The following COL26A1 variants were observed in gnomAD, a reference collection of about 807,000 sequenced individuals.
COL26A1 encodes collagen alpha-1(XXVI) chain.
A neutral mutation model predicts 59.3 loss-of-function variants in COL26A1; 41 were observed. The observed-to-expected ratio is 0.69, with a 90% confidence interval of 0.54 to 0.90. COL26A1 has a LOEUF of 0.90. Among genes scored for constraint, COL26A1 ranks in the 40% least tolerant of loss-of-function variants. The pLI is 0.00. For synonymous variants in COL26A1, 266 were observed against 256.0 expected (o/e 1.04, Z -0.37); for missense variants, 612 against 602.3 (o/e 1.02, Z -0.17).
At chr7:101,475,766 CTCTTTCTTTCTT>C (rs754290439) in intron 3 of COL26A1, among the ~76,000 whole-genome samples, 4 of 120,056 alleles carry the variant, frequency 3.3e-5, no homozygotes, top group African/African-American at 1.3e-4. Flanking sequence ...TTCTTTCTTT[CTCTTTCTTTCTT>C]TCTTTCTTTC....
chr7:101,378,349 T>C (rs1317305158), intron 1 of COL26A1, among the ~76,000 whole-genome samples: 1 of 152,122 alleles, frequency 6.6e-6, no homozygotes, highest in Non-Finnish European at 1.5e-5. Flanking sequence ...CCTCACACTT[T>C]TATTGAATAA....
At chr7:101,495,411 ATT>A (rs5886195) in intron 3 of COL26A1, among the ~76,000 whole-genome samples, 4 of 142,418 alleles carry the variant, frequency 2.8e-5, no homozygotes, top group Admixed American at 1.4e-4. Flanking sequence ...AGCCTGGGGA[ATT>A]TTTTTTTTTT....
intron 1 of COL26A1, among the ~76,000 whole-genome samples, chr7:101,370,571 C>T (rs1256517845): frequency 6.6e-6 from 1 of 152,004 alleles, no homozygotes; most frequent in African/African-American, 2.4e-5. Flanking sequence ...GGGGTTTTGT[C>T]ATGTTGGCCA....
intron 4 of COL26A1, among the ~76,000 whole-genome samples, chr7:101,534,890 C>T (rs1313060314): frequency 2.0e-5 from 3 of 152,162 alleles, no homozygotes; most frequent in African/African-American, 7.2e-5. Flanking sequence ...TTGAGAGCCT[C>T]CAGGGAGATG....
chr7:101,407,772 G>A (rs950817797), intron 1 of COL26A1, among the ~76,000 whole-genome samples: 1 of 151,918 alleles, frequency 6.6e-6, no homozygotes, highest in Non-Finnish European at 1.5e-5. Context: ...ACACCCAGAA[G>A]TTACAGCCCC....
intron 2 of COL26A1, among the ~76,000 whole-genome samples, chr7:101,425,985 C>A (rs1221077213): frequency 6.6e-6 from 1 of 151,640 alleles, no homozygotes; most frequent in East Asian, 1.9e-4. Flanking sequence ...TGCCACCACA[C>A]CTGGCTAATT....
chr7:101,491,024 C>T (rs1381969059), intron 3 of COL26A1, among the ~76,000 whole-genome samples: 2 of 151,276 alleles, frequency 1.3e-5, no homozygotes, highest in Non-Finnish European at 2.9e-5. Flanking sequence ...GTGGCACATG[C>T]CTGTATTCCC....
chr7:101,530,728 G>A (rs1024104531), intron 3 of COL26A1, among the ~76,000 whole-genome samples: 2 of 151,868 alleles, frequency 1.3e-5, no homozygotes, highest in Non-Finnish European at 2.9e-5. Context: ...TCTTTGGCAG[G>A]CCCCTGTTTC....
At chr7:101,482,765 T>C (rs1794184356) in intron 3 of COL26A1, among the ~76,000 whole-genome samples, 1 of 152,188 alleles carries the variant, frequency 6.6e-6, no homozygotes, top group African/African-American at 2.4e-5. Flanking sequence ...AAGACCAGCC[T>C]GGCCAACATG....
At chr7:101,480,714 G>A (rs987238470) in intron 3 of COL26A1, among the ~76,000 whole-genome samples, 21 of 152,180 alleles carry the variant, frequency 1.4e-4, no homozygotes, top group African/African-American at 5.1e-4. Context: ...TGTAGCCCAG[G>A]CTGGTCTCGA....
Position 101,548,764 on chromosome 7 carries a change from G to C in COL26A1, c.941-407G>C, listed in dbSNP as rs550276114. Reference sequence around the variant, plus strand: ...GTGTACTCTTGGGGGCCATAGGAAGGGTCGATGATCAGGAGGCTGTTATAG... The same window carrying C: ...GTGTACTCTTGGGGGCCATAGGAAGCGTCGATGATCAGGAGGCTGTTATAG... On this transcript the variant is annotated intron_variant, in intron 8 of 12. Coordinates refer to ENST00000313669, the MANE Select transcript of COL26A1 (RefSeq NM_001278563.3). Among the ~76,000 whole-genome samples the C allele has an allele frequency of 2.0e-5, 3 of 152,198 alleles. No individual in the cohort carries two copies. In the East Asian group the frequency reaches 5.8e-4, roughly 30 times the overall value.
intron 1 of COL26A1, among the ~76,000 whole-genome samples, chr7:101,389,880 T>C (rs1444080580): frequency 6.6e-6 from 1 of 152,070 alleles, no homozygotes; most frequent in African/African-American, 2.4e-5. Context: ...AGAGATGGGG[T>C]TTCACCGTGT....
intron 1 of COL26A1, among the ~76,000 whole-genome samples, chr7:101,400,621 C>T (rs34487048): frequency 0.44 from 66,637 of 151,792 alleles, 16,777 homozygotes; most frequent in Middle Eastern, 0.59. Context: ...CGCAATGGTG[C>T]GGTCTCAGCT....
At chr7:101,425,976 G>C (rs1229395873) in intron 2 of COL26A1, among the ~76,000 whole-genome samples, 1 of 151,530 alleles carries the variant, frequency 6.6e-6, no homozygotes, top group East Asian at 1.9e-4. Context: ...ATAGGTGTGT[G>C]CCACCACACC....
rs1387032420 is a variant in COL26A1 at position 101,400,351 on chromosome 7, C to CTTTTTTTTTTTTTTTTTTTTTT, written c.159-19625_159-19624insTTTTTTTTTTTTTTTTTTTTTT. Among the ~76,000 whole-genome samples the CTTTTTTTTTTTTTTTTTTTTTT allele has an allele frequency of 1.5e-4, 19 of 123,352 alleles. 7 individuals are homozygous for CTTTTTTTTTTTTTTTTTTTTTT. The highest frequency in any genetic ancestry group is 2.5e-4 in the Non-Finnish European group (15 of 59,072). 80.9% of individuals were successfully genotyped at this position (123,352 alleles called of 152,430 possible). A position where few individuals can be genotyped will look rare whatever the true frequency, so the allele number is the denominator to read the frequency against. On this transcript the variant is annotated intron_variant, in intron 1 of 12. Transcript: ENST00000313669. The stretch of plus-strand genomic sequence containing the variant: ...GTCCACACTGCCTTTCTTTTTTTTC[C>CTTTTTTTTTTTTTTTTTTTTTT]TATTTTTTTTTTTTTTTTTTTTTTT...
Position 101,444,177 on chromosome 7 carries a change from G to A in COL26A1, c.282-3507G>A, listed in dbSNP as rs143078197. ...ACAGGTGTAACCCCTACTCCTGGCC[G>A]TGTATGCCAAGTTTTCTTCATTGAA... On this transcript the variant is annotated intron_variant, in intron 2 of 12. Coordinates refer to ENST00000313669, the MANE Select transcript of COL26A1 (RefSeq NM_001278563.3). Among the ~76,000 whole-genome samples, 10 of 151,692 alleles carry A rather than the reference G, an allele frequency of 6.6e-5. No homozygotes were observed. In the East Asian group the frequency reaches 1.6e-3, roughly 24 times the overall value.
At chr7:101,555,657 T>A in intron 11 of COL26A1, 130 bp from the exon 12 acceptor site, 2 of 610,570 alleles carry the variant, frequency 3.3e-6, no homozygotes, top group South Asian at 2.0e-5. Flanking sequence ...TTATTTGCAG[T>A]GGTGAGGGTG....
intron 2 of COL26A1, among the ~76,000 whole-genome samples, chr7:101,437,825 C>T (rs1337470167): frequency 6.6e-6 from 1 of 151,734 alleles, no homozygotes; most frequent in Non-Finnish European, 1.5e-5. Context: ...ATCTTCCCAC[C>T]TCAGCCTCCC....
At chr7:101,441,718 G>A (rs561099824) in intron 2 of COL26A1, among the ~76,000 whole-genome samples, 2 of 152,282 alleles carry the variant, frequency 1.3e-5, no homozygotes, top group African/African-American at 4.8e-5. Flanking sequence ...CGCCTGGTGG[G>A]TGAGGGCCAG....
Sources: allele counts gnomAD v4.1 joint callset (sites outside exome capture counted in the v4.1 genomes callset), GRCh38; gene constraint gnomAD v4.1.1; transcripts MANE v1.5; gene names NCBI Gene and HGNC (gene_info 2026-07-23, HGNC 2026-07-21).